Variants in UVRAG observed in about 807,000 individuals in gnomAD.
UVRAG encodes the protein UV radiation resistance associated.
In UVRAG, 19 loss-of-function variants were observed where a neutral mutation model predicts 78.0. The observed-to-expected ratio is 0.24, with a 90% CI of 0.17 to 0.36. The LOEUF is 0.36. Ranked by LOEUF, UVRAG falls within the 10% of genes least tolerant of loss-of-function variation. UVRAG has a pLI of 1.00. For synonymous variants in UVRAG, 323 were observed against 324.6 expected (o/e 1.00, Z 0.05); for missense variants, 740 against 853.8 (o/e 0.87, Z 1.66).
Position 75,983,386 on chromosome 11 carries a change from GAAAA to G in UVRAG, c.706_709del (p.Lys236ValfsTer6). 1 of 1,415,018 alleles carries G rather than the reference GAAAA, an allele frequency of 7.1e-7. No individual in the cohort carries two copies. Among genetic ancestry groups the G allele is most frequent in the South Asian group, 1.3e-5 (1 of 75,026 alleles). The allele number at this position is 1,415,018 out of a possible 1,614,324, so 87.7% of individuals were successfully genotyped here. A position where few individuals can be genotyped will look rare whatever the true frequency, so the allele number is the denominator to read the frequency against. ...ATATACCTGTGATTTTATTTATTTA[GAAAA>G]AAAAAAGTGAATGCCTGCAGTTAAA... On this transcript the variant is annotated frameshift_variant and splice_region_variant, in exon 8 of 15. Transcript: ENST00000356136. LOFTEE classifies it high-confidence loss of function.
At position 76,080,375 on chromosome 11, in the gene UVRAG, T is replaced by G. The variant is rs564913955; in HGVS notation, c.1305+14587T>G. Among the ~76,000 whole-genome samples, 54 of 152,176 alleles carry G rather than the reference T, an allele frequency of 3.5e-4. 1 individual carries two copies. The highest frequency in any genetic ancestry group is 3.1e-3 in the Admixed American group (48 of 15,276). The stretch of plus-strand genomic sequence containing the variant: ...GGCACCAAACAAACTACCCTGTATA[T>G]AGGAGGGAAAAGACTGCCTGGTTGT... On this transcript the variant is annotated intron_variant, in intron 13 of 14. Transcript: ENST00000356136.
chr11:76,110,631 C>T (rs78230097), intron 13 of UVRAG, among the ~76,000 whole-genome samples: 15,636 of 152,060 alleles, frequency 0.1, 1,870 homozygotes, highest in African/African-American at 0.3. Context: ...GTAAAATGCC[C>T]ACTTACCTGC....
At chr11:75,945,810 T>A (rs554372494) in intron 6 of UVRAG, among the ~76,000 whole-genome samples, 1 of 152,202 alleles carries the variant, frequency 6.6e-6, no homozygotes, top group Admixed American at 6.5e-5. Context: ...TTTGTACTTG[T>A]TTTTGCTTTT....
chr11:76,080,651 T>C (rs1742747156), intron 13 of UVRAG, among the ~76,000 whole-genome samples: 1 of 152,292 alleles, frequency 6.6e-6, no homozygotes, highest in Middle Eastern at 3.4e-3. Context: ...ACGTTCAAAT[T>C]ATAGAATATT....
At chr11:75,858,824 C>T (rs1004830543) in intron 2 of UVRAG, among the ~76,000 whole-genome samples, 19 of 152,142 alleles carry the variant, frequency 1.2e-4, no homozygotes, top group African/African-American at 4.6e-4. Context: ...GTTTGTATTT[C>T]TCCTATTATG....
At chr11:75,998,587 G>C (rs756001872) in intron 8 of UVRAG, among the ~76,000 whole-genome samples, 2 of 152,284 alleles carry the variant, frequency 1.3e-5, no homozygotes, top group South Asian at 4.1e-4. Context: ...TCAAGGCAAC[G>C]AAGTAGCTTG....
At chr11:76,111,674 G>A (rs896592698) in intron 13 of UVRAG, among the ~76,000 whole-genome samples, 1 of 152,052 alleles carries the variant, frequency 6.6e-6, no homozygotes, top group Non-Finnish European at 1.5e-5. Context: ...TTCTTTCTGA[G>A]GAAAAAACAG....
At chr11:76,003,857 A>C in intron 8 of UVRAG, 148 bp from the exon 9 acceptor site, 1 of 653,988 alleles carries the variant, frequency 1.5e-6, no homozygotes. Context: ...TATTCTAGCT[A>C]CTCTCCCCAA....
intron 5 of UVRAG, among the ~76,000 whole-genome samples, chr11:75,901,385 G>A (rs1947496280): frequency 6.6e-6 from 1 of 152,106 alleles, no homozygotes; most frequent in South Asian, 2.1e-4. Context: ...GGCAAGTCCT[G>A]CTGGGGAGAG....
chr11:75,828,444 T>TAA (rs113226743), intron 1 of UVRAG, among the ~76,000 whole-genome samples: 1 of 115,022 alleles, frequency 8.7e-6, no homozygotes, highest in Non-Finnish European at 1.9e-5. Context: ...CCCCCATCTC[T>TAA]AAAAAAAAAA....
chr11:75,901,837 G>C (rs1299081098), intron 5 of UVRAG, among the ~76,000 whole-genome samples: 2 of 152,196 alleles, frequency 1.3e-5, no homozygotes, highest in South Asian at 2.1e-4. Context: ...ATTTGTTCAC[G>C]TCAGTTTTAG....
At chr11:75,833,252 A>G (rs1162880602) in intron 1 of UVRAG, among the ~76,000 whole-genome samples, 1 of 152,146 alleles carries the variant, frequency 6.6e-6, no homozygotes, top group Non-Finnish European at 1.5e-5. Flanking sequence ...GCCATTTCCT[A>G]TGTGCCTAAA....
chr11:75,969,149 C>T (rs527362796), intron 7 of UVRAG, among the ~76,000 whole-genome samples: 1 of 152,332 alleles, frequency 6.6e-6, no homozygotes, highest in East Asian at 1.9e-4. Context: ...TCGCCTCCCT[C>T]TACTCCCAGC....
At chr11:76,097,942 A>T (rs1380937412) in intron 13 of UVRAG, among the ~76,000 whole-genome samples, 1 of 151,926 alleles carries the variant, frequency 6.6e-6, no homozygotes, top group East Asian at 1.9e-4. Flanking sequence ...TTGTTGTTCT[A>T]TCCATTTTCT....
chr11:76,001,829 A>G (rs554921270), intron 8 of UVRAG, among the ~76,000 whole-genome samples: 1 of 152,338 alleles, frequency 6.6e-6, no homozygotes, highest in Admixed American at 6.5e-5. Flanking sequence ...TGGATAGTTA[A>G]TAGAGAAGAT....
chr11:75,925,010 T>C (rs1021620834), intron 6 of UVRAG, among the ~76,000 whole-genome samples: 1 of 152,214 alleles, frequency 6.6e-6, no homozygotes, highest in Non-Finnish European at 1.5e-5. Context: ...CAGTTAAGTA[T>C]ATGTAGTCTT....
chr11:75,825,141 TG>T (rs766427018), intron 1 of UVRAG, among the ~76,000 whole-genome samples: 1 of 150,388 alleles, frequency 6.6e-6, no homozygotes, highest in Non-Finnish European at 1.5e-5. Flanking sequence ...AGCGTTACCC[TG>T]TTGTCGCCCA....
chr11:76,129,425 C>G (rs1354058758), intron 14 of UVRAG, among the ~76,000 whole-genome samples: 2 of 152,158 alleles, frequency 1.3e-5, no homozygotes, highest in African/African-American at 2.4e-5. Context: ...GCTGGAGCTC[C>G]TAAAGGCTTA....
chr11:75,839,854 T>C (rs1317018955), intron 1 of UVRAG, among the ~76,000 whole-genome samples: 2 of 146,268 alleles, frequency 1.4e-5, no homozygotes, highest in Non-Finnish European at 3.0e-5. Flanking sequence ...CCCCCACACA[T>C]ATATATATAG....
Sources: gnomAD v4.1 joint callset for allele counts (sites outside exome capture counted in the v4.1 genomes callset) on GRCh38, gnomAD v4.1.1 for gene constraint, MANE v1.5 for transcripts, NCBI Gene and HGNC (gene_info 2026-07-23, HGNC 2026-07-21) for gene names.